The following TMEM132D variants were observed in gnomAD, a reference collection of about 807,000 sequenced individuals.
TMEM132D encodes the protein mature OL transmembrane protein.
In TMEM132D, 21 loss-of-function variants were observed where a neutral mutation model predicts 62.3. The ratio of observed to expected loss-of-function variants is 0.34; its 90% CI spans 0.24 to 0.49. The LOEUF (loss-of-function observed/expected upper bound fraction) is 0.49, where lower values mean the gene tolerates loss of function less well. Among genes scored for constraint, TMEM132D ranks in the 20% least tolerant of loss-of-function variants. The probability of loss-of-function intolerance (pLI) is 0.99; values close to 1 mark genes in which losing one functional copy is unlikely to be tolerated. For synonymous variants in TMEM132D, 621 were observed against 575.6 expected, an observed-to-expected ratio of 1.08 and a Z score of -1.13; for missense variants, 1,346 against 1,402.8, an observed-to-expected ratio of 0.96 and a Z score of 0.65.
At chr12:129,647,504 T>C (rs1565935598) in intron 2 of TMEM132D, among the ~76,000 whole-genome samples, 1 of 152,218 alleles carries the variant, frequency 6.6e-6, no homozygotes, top group Non-Finnish European at 1.5e-5. Flanking sequence ...GGCTGCCTTC[T>C]GCTTTGCTAG....
chr12:129,742,532 T>C (rs1280092737), intron 1 of TMEM132D, among the ~76,000 whole-genome samples: 1 of 152,136 alleles, frequency 6.6e-6, no homozygotes, highest in East Asian at 1.9e-4. Flanking sequence ...CATTTCAACA[T>C]GAGATTAAAG....
At chr12:129,397,895 C>T (rs892674434) in intron 3 of TMEM132D, among the ~76,000 whole-genome samples, 2 of 152,178 alleles carry the variant, frequency 1.3e-5, no homozygotes, top group Non-Finnish European at 2.9e-5. Context: ...CAGGCAGAGG[C>T]AGAACCGACG....
chr12:129,203,311 G>T (rs917720060), intron 5 of TMEM132D, among the ~76,000 whole-genome samples: 1 of 152,206 alleles, frequency 6.6e-6, no homozygotes, highest in African/African-American at 2.4e-5. Flanking sequence ...GATTCTGGGG[G>T]TTCCCTAATT....
intron 2 of TMEM132D, among the ~76,000 whole-genome samples, chr12:129,583,479 T>C (rs1228203046): frequency 6.6e-6 from 1 of 152,230 alleles, no homozygotes; most frequent in Non-Finnish European, 1.5e-5. Context: ...ATGGGTGACG[T>C]TGACTCTTTG....
At chr12:129,578,515 GCACA>G (rs772918566) in intron 2 of TMEM132D, among the ~76,000 whole-genome samples, 2 of 149,896 alleles carry the variant, frequency 1.3e-5, no homozygotes, top group South Asian at 4.2e-4. Context: ...ATACACATGC[GCACA>G]CACACACATA....
intron 3 of TMEM132D, among the ~76,000 whole-genome samples, chr12:129,505,973 ACT>A (rs1327227453): frequency 6.6e-6 from 1 of 151,856 alleles, no homozygotes; most frequent in Non-Finnish European, 1.5e-5. Flanking sequence ...ATTCTTATCC[ACT>A]CTGTGAGTCT....
At chr12:129,473,334 T>TTTG (rs1874156773) in intron 3 of TMEM132D, among the ~76,000 whole-genome samples, 2 of 137,968 alleles carry the variant, frequency 1.4e-5, no homozygotes, top group Admixed American at 7.3e-5. Flanking sequence ...GTTTTTTTTT[T>TTTG]TTTTTTTTTT....
At chr12:129,303,717 C>T (rs1259727990) in intron 4 of TMEM132D, among the ~76,000 whole-genome samples, 2 of 151,394 alleles carry the variant, frequency 1.3e-5, no homozygotes, top group Non-Finnish European at 2.9e-5. Context: ...GAAATTGGCT[C>T]ATATGATTAT....
At chr12:129,405,859 T>C (rs1871769178) in intron 3 of TMEM132D, among the ~76,000 whole-genome samples, 1 of 152,180 alleles carries the variant, frequency 6.6e-6, no homozygotes, top group African/African-American at 2.4e-5. Flanking sequence ...GGGGGCAAGA[T>C]TTCATGAAAG....
At chr12:129,514,176 C>T (rs1875606455) in intron 3 of TMEM132D, among the ~76,000 whole-genome samples, 1 of 152,110 alleles carries the variant, frequency 6.6e-6, no homozygotes, top group Non-Finnish European at 1.5e-5. Context: ...TTGATGGGTG[C>T]AAACAAACCA....
chr12:129,222,915 C>CAA (rs35565056), intron 4 of TMEM132D, among the ~76,000 whole-genome samples: 2 of 151,720 alleles, frequency 1.3e-5, no homozygotes, highest in South Asian at 2.1e-4. Context: ...CTCTCACTAC[C>CAA]AAAAAAAGGT....
chr12:129,346,644 G>A (rs970874131), intron 3 of TMEM132D, among the ~76,000 whole-genome samples: 1 of 152,080 alleles, frequency 6.6e-6, no homozygotes, highest in Non-Finnish European at 1.5e-5. Context: ...TTTGAAAACC[G>A]GCACAAGACA....
chr12:129,370,733 T>C (rs374781225), intron 3 of TMEM132D, among the ~76,000 whole-genome samples: 1 of 152,160 alleles, frequency 6.6e-6, no homozygotes, highest in East Asian at 1.9e-4. Flanking sequence ...TTCAGCAACA[T>C]AAATGGAACT....
chr12:129,838,400 A>G (rs1593181765), intron 1 of TMEM132D, among the ~76,000 whole-genome samples: 1 of 152,356 alleles, frequency 6.6e-6, no homozygotes. Flanking sequence ...GAGAGAGACA[A>G]AACATTTATA....
intron 3 of TMEM132D, 136 bp downstream of exon 3, chr12:129,530,923 G>A (rs1281949818): frequency 4.6e-6 from 4 of 860,474 alleles, no homozygotes; most frequent in Non-Finnish European, 7.0e-6. Flanking sequence ...TCTACCTGGA[G>A]GCCCTGATAG....
intron 2 of TMEM132D, among the ~76,000 whole-genome samples, chr12:129,585,460 C>T (rs1368526355): frequency 6.6e-6 from 1 of 152,178 alleles, no homozygotes; most frequent in Non-Finnish European, 1.5e-5. Flanking sequence ...CTGGCAGGAG[C>T]GCTGTCATTG....
At chr12:129,892,146 G>A (rs1438033709) in intron 1 of TMEM132D, among the ~76,000 whole-genome samples, 1 of 152,152 alleles carries the variant, frequency 6.6e-6, no homozygotes, top group African/African-American at 2.4e-5. Flanking sequence ...AGCTCTGAGA[G>A]TCCTAAAAGT....
chr12:129,494,551 C>A (rs1323212469), intron 3 of TMEM132D, among the ~76,000 whole-genome samples: 1 of 152,124 alleles, frequency 6.6e-6, no homozygotes, highest in Non-Finnish European at 1.5e-5. Context: ...AAGAAATGTA[C>A]AAAGCAGTGT....
chr12:129,786,131 C>G (rs146065154), intron 1 of TMEM132D, among the ~76,000 whole-genome samples: 65 of 152,248 alleles, frequency 4.3e-4, no homozygotes, highest in African/African-American at 1.6e-3. Context: ...TGGGCTATGT[C>G]CACCACTCCC....
Sources: allele counts gnomAD v4.1 joint callset (sites outside exome capture counted in the v4.1 genomes callset), GRCh38; gene constraint gnomAD v4.1.1; transcripts MANE v1.5; gene names NCBI Gene and HGNC (gene_info 2026-07-23, HGNC 2026-07-21).